Variants in CDH18 observed in about 807,000 individuals in gnomAD.
The protein encoded by CDH18 is cadherin-18.
A neutral mutation model predicts 67.9 loss-of-function variants in CDH18; 31 were observed. That is an observed-to-expected ratio of 0.46 (90% CI 0.34 to 0.62). The LOEUF (loss-of-function observed/expected upper bound fraction) is 0.62, where lower values mean the gene tolerates loss of function less well. CDH18 is among the 20% of genes least tolerant of loss of function. The probability of loss-of-function intolerance (pLI) is 0.01; values close to 1 mark genes in which losing one functional copy is unlikely to be tolerated. For missense variants in CDH18, 890 were observed against 975.5 expected (o/e 0.91, Z 1.17); for synonymous variants, 362 against 347.2 (o/e 1.04, Z -0.48).
chr5:20,525,315 C>T (rs1011274936), intron 1 of CDH18, among the ~76,000 whole-genome samples: 4 of 152,046 alleles, frequency 2.6e-5, no homozygotes, highest in Admixed American at 2.6e-4. Flanking sequence ...GCCAGAGCTC[C>T]AGGGTTTTGT....
intron 1 of CDH18, among the ~76,000 whole-genome samples, chr5:20,263,538 A>G (rs980166021): frequency 9.9e-5 from 15 of 152,220 alleles, no homozygotes; most frequent in Non-Finnish European, 1.9e-4. Context: ...GATTTTTAAA[A>G]TAATGTGTGT....
intron 5 of CDH18, among the ~76,000 whole-genome samples, chr5:19,671,452 A>T (rs549385017): frequency 6.6e-6 from 1 of 152,142 alleles, no homozygotes; most frequent in Non-Finnish European, 1.5e-5. Context: ...ACTTTACTAG[A>T]ATTCTAATTA....
rs909425975 is a variant in CDH18, at chr5:19,571,467, C to T, written c.1253+112G>A. On this transcript the variant is annotated intron_variant, in intron 8 of 12. Transcript: ENST00000382275. ...ATTAATATTATAATTTAATTATATT[C>T]GTAGAAAACAACGTAGAAATAAAAC... The T allele has an allele frequency of 1.7e-5, 16 of 955,650 alleles. No individual in the cohort carries two copies. The East Asian group carries it at 1.9e-4, about 11-fold the overall frequency. The allele number at this position is 955,650 out of a possible 1,614,324, so 59.2% of individuals were successfully genotyped here.
intron 1 of CDH18, among the ~76,000 whole-genome samples, chr5:20,444,775 CT>C (rs1483048416): frequency 2.2e-5 from 3 of 137,952 alleles, no homozygotes; most frequent in Admixed American, 1.4e-4. Context: ...AAGCTTTTTT[CT>C]TTCTTTTTTT....
intron 1 of CDH18, among the ~76,000 whole-genome samples, chr5:20,498,218 T>TATC (rs10630225): frequency 0.5 from 75,897 of 151,656 alleles, 19,090 homozygotes; most frequent in East Asian, 0.56. Flanking sequence ...GACTTGATGA[T>TATC]ATCAAGTCCA....
At chr5:20,364,837 T>C (rs1169315811) in intron 1 of CDH18, among the ~76,000 whole-genome samples, 1 of 152,124 alleles carries the variant, frequency 6.6e-6, no homozygotes, top group Non-Finnish European at 1.5e-5. Context: ...AATAGGGTGG[T>C]TTTTGGAAAG....
intron 2 of CDH18, among the ~76,000 whole-genome samples, chr5:20,173,531 TA>T (rs779960657): frequency 4.4e-4 from 67 of 152,298 alleles, no homozygotes; most frequent in African/African-American, 1.5e-3. Flanking sequence ...TGTAGGTAAG[TA>T]CCTCTGTGTT....
chr5:20,392,750 A>C (rs1744973427), intron 1 of CDH18, among the ~76,000 whole-genome samples: 1 of 151,924 alleles, frequency 6.6e-6, no homozygotes, highest in African/African-American at 2.4e-5. Flanking sequence ...ATTTCAAGGA[A>C]AAATTTACAA....
chr5:19,967,063 T>C (rs1245698235), intron 2 of CDH18, among the ~76,000 whole-genome samples: 3 of 151,844 alleles, frequency 2.0e-5, no homozygotes, highest in Non-Finnish European at 4.4e-5. Context: ...ATATTTATTC[T>C]GAAGCAGTAT....
intron 3 of CDH18, among the ~76,000 whole-genome samples, chr5:19,837,978 C>G (rs1781871539): frequency 6.6e-6 from 1 of 152,130 alleles, no homozygotes; most frequent in South Asian, 2.1e-4. Context: ...GCCTAGATGA[C>G]ACATGCTTAA....
At chr5:19,635,559 A>G (rs947045204) in intron 5 of CDH18, among the ~76,000 whole-genome samples, 2 of 152,164 alleles carry the variant, frequency 1.3e-5, no homozygotes, top group African/African-American at 4.8e-5. Flanking sequence ...GGAAACATGT[A>G]GCAATTTGTA....
intron 3 of CDH18, among the ~76,000 whole-genome samples, chr5:19,765,657 G>A (rs1267485574): frequency 6.6e-6 from 1 of 152,046 alleles, no homozygotes; most frequent in Non-Finnish European, 1.5e-5. Flanking sequence ...CCTCGCTCTG[G>A]GAATTCAACG....
chr5:19,950,650 C>T lies in CDH18; in HGVS notation c.-257+30410G>A, dbSNP rs140437189. ...TTTGTCTTCTTACTGATTATCTTAA[C>T]TACTATCTGGAATTAAAGTTACCAA... is the stretch of plus-strand genomic sequence containing the variant. On this transcript the variant is annotated intron_variant, in intron 2 of 12. Coordinates refer to ENST00000382275, the MANE Select transcript of CDH18 (RefSeq NM_004934.5). Among the ~76,000 whole-genome samples, 1,169 of 152,136 alleles carry T rather than the reference C, an allele frequency of 7.7e-3. 17 individuals are homozygous for T. Among genetic ancestry groups the T allele is most frequent in the African/African-American group, 0.026 (1,091 of 41,502 alleles).
intron 2 of CDH18, among the ~76,000 whole-genome samples, chr5:20,130,110 A>T (rs1053901183): frequency 1.4e-5 from 2 of 145,752 alleles, no homozygotes; most frequent in African/African-American, 2.6e-5. Context: ...GTGTTTGGAA[A>T]ATGCAAGTAA....
In CDH18 at chr5:19,997,657, T is replaced by C. The variant is rs141863296; in HGVS notation, c.-517-5643A>G. On this transcript the variant is annotated intron_variant, in intron 2 of 14. Coordinates refer to the CDH18 transcript ENST00000507958. Reference sequence around the variant, plus strand: ...ACAGAAAGTATACTTTAAAGTTTTCTATCCCAGCATTTGCTTCAACTGATT... The same window carrying C: ...ACAGAAAGTATACTTTAAAGTTTTCCATCCCAGCATTTGCTTCAACTGATT... 3.5e-3 allele frequency among the ~76,000 whole-genome samples: 526 copies of C among 152,278 alleles called. 2 individuals carry two copies. Among genetic ancestry groups the C allele is most frequent in the African/African-American group, 0.012 (504 of 41,556 alleles).
intron 7 of CDH18, 121 bp downstream of exon 7, chr5:19,590,936 A>G (rs1020758447): frequency 1.3e-5 from 7 of 558,988 alleles, no homozygotes; most frequent in African/African-American, 9.4e-5. Flanking sequence ...TTATATCGCA[A>G]AGTGACAATA....
At chr5:20,052,906 T>C (rs1366538404) in intron 2 of CDH18, among the ~76,000 whole-genome samples, 1 of 152,104 alleles carries the variant, frequency 6.6e-6, no homozygotes, top group Non-Finnish European at 1.5e-5. Flanking sequence ...TCACATATGA[T>C]GTTTCCTCCT....
Position 20,073,244 on chromosome 5 carries a change from T to C in CDH18, c.-517-81230A>G, listed in dbSNP as rs557767480. ...TTGTGATCTGATCTGTTATTTCTTA[T>C]TTTTTTCTCTGAAAGTAATTCTCCC... On this transcript the variant is annotated intron_variant, in intron 2 of 14. Coordinates refer to the CDH18 transcript ENST00000507958. 2.1e-4 allele frequency among the ~76,000 whole-genome samples: 32 copies of C among 152,126 alleles called. No individual in the cohort carries two copies. In the South Asian group the frequency reaches 6.6e-3, roughly 32 times the overall value.
chr5:20,477,674 G>T (rs1197714684), intron 1 of CDH18, among the ~76,000 whole-genome samples: 1 of 152,178 alleles, frequency 6.6e-6, no homozygotes, highest in African/African-American at 2.4e-5. Flanking sequence ...AAGCGATCTG[G>T]AATGCAAAAT....
Sources: gnomAD v4.1 joint callset for allele counts (sites outside exome capture counted in the v4.1 genomes callset) on GRCh38, gnomAD v4.1.1 for gene constraint, MANE v1.5 for transcripts, NCBI Gene and HGNC (gene_info 2026-07-23, HGNC 2026-07-21) for gene names.